Variants in YWHAZ observed in about 807,000 individuals in gnomAD.
The protein encoded by YWHAZ is 14-3-3 protein zeta/delta.
For synonymous variants in YWHAZ, 87 were observed against 103.6 expected, an observed-to-expected ratio of 0.84 and a Z score of 0.97; for missense variants, 79 against 284.8, an observed-to-expected ratio of 0.28 and a Z score of 5.20.
chr8:100,924,783 A>C lies in YWHAZ; in HGVS notation c.418+133T>G. 1 of 1,141,666 alleles carries C rather than the reference A, an allele frequency of 8.8e-7. No homozygotes were observed. Among genetic ancestry groups the C allele is most frequent in the African/African-American group, 1.6e-5 (1 of 64,298 alleles). The allele number at this position is 1,141,666 out of a possible 1,614,324, so 70.7% of individuals were successfully genotyped here. ...TGAGGCAGTAGATGTGTATTCTCAG[A>C]ACACAAAGAGCACTGCTACTCCTTA... On this transcript the variant is annotated intron_variant, in intron 3 of 5. Coordinates refer to ENST00000395958, the MANE Select transcript of YWHAZ (RefSeq NM_145690.3). This position sits in a 1 kb window ranked among gnomAD's most constrained non-coding sequence, Gnocchi z 5.7.
intron 2 of YWHAZ, among the ~76,000 whole-genome samples, chr8:100,937,001 A>C (rs1386164219): frequency 6.6e-6 from 1 of 152,210 alleles, no homozygotes; most frequent in African/African-American, 2.4e-5. Context: ...GGAATTCTGG[A>C]GCAGAAACAG....
At position 100,920,449 on chromosome 8, in the gene YWHAZ, T is replaced by A; in HGVS notation, c.*244A>T. ...TACTATGCCAAACACTTATAACTTG[T>A]ATAAAAATTCCACATCCCCATATTG... On this transcript the variant is annotated 3_prime_UTR_variant, in exon 6 of 6. Coordinates refer to ENST00000395958, the MANE Select transcript of YWHAZ (RefSeq NM_145690.3). The A allele has an allele frequency of 1.9e-6, 1 of 532,656 alleles. No homozygotes were observed. The highest frequency in any genetic ancestry group is 3.3e-6 in the Non-Finnish European group (1 of 301,442). 33.0% of individuals were successfully genotyped at this position (532,656 alleles called of 1,614,324 possible).
At chr8:100,931,366 T>C (rs1291178131) in intron 2 of YWHAZ, among the ~76,000 whole-genome samples, 1 of 152,222 alleles carries the variant, frequency 6.6e-6, no homozygotes, top group Middle Eastern at 3.2e-3. Context: ...CAAATATTCC[T>C]AATGAAAAGT....
chr8:100,926,339 C>T (rs375279259), intron 2 of YWHAZ, among the ~76,000 whole-genome samples: 10 of 152,004 alleles, frequency 6.6e-5, no homozygotes, highest in African/African-American at 1.9e-4. Flanking sequence ...AATTATTAAC[C>T]GATATTTAAA....
intron 1 of YWHAZ, chr8:100,950,695 C>A (rs1187768930): frequency 1.3e-6 from 1 of 745,886 alleles, no homozygotes; most frequent in Non-Finnish European, 1.6e-6. Flanking sequence ...GCCGCCCGAC[C>A]CCGGGGCAGA....
chr8:100,934,392 A>C (rs1813987271), intron 2 of YWHAZ, among the ~76,000 whole-genome samples: 1 of 150,982 alleles, frequency 6.6e-6, no homozygotes, highest in African/African-American at 2.4e-5. Flanking sequence ...ATAGAATACT[A>C]TACAGACATT....
chr8:100,948,978 G>T lies in YWHAZ; in HGVS notation c.-11-78C>A. On this transcript the variant is annotated intron_variant, in intron 1 of 5. Coordinates refer to ENST00000395958, the MANE Select transcript of YWHAZ (RefSeq NM_145690.3). This position sits in a 1 kb window ranked among gnomAD's most constrained non-coding sequence, Gnocchi z 4.2. Reference sequence around the variant, plus strand: ...ACTCAAAATTATACCTGTGGTAAATGAGTTTTTTAAACCTGAAACCTAACT... The same window carrying T: ...ACTCAAAATTATACCTGTGGTAAATTAGTTTTTTAAACCTGAAACCTAACT... 6.8e-7 allele frequency: 1 copy of T among 1,475,642 alleles called. No homozygotes were observed. The highest frequency in any genetic ancestry group is 1.4e-5 in the South Asian group (1 of 73,112). The allele number at this position is 1,475,642 out of a possible 1,614,324, so 91.4% of individuals were successfully genotyped here. A position where few individuals can be genotyped will look rare whatever the true frequency, so the allele number is the denominator to read the frequency against.
At chr8:100,939,261 G>C (rs932308468) in intron 2 of YWHAZ, among the ~76,000 whole-genome samples, 1 of 152,030 alleles carries the variant, frequency 6.6e-6, no homozygotes, top group African/African-American at 2.4e-5. Flanking sequence ...GAAAGGGCTA[G>C]CAGGAAGTGA....
Position 100,948,063 on chromosome 8 carries a change from T to A in YWHAZ, c.294+533A>T. 1.3e-6 allele frequency: 2 copies of A among 1,524,978 alleles called. No individual in the cohort carries two copies. Among genetic ancestry groups the A allele is most frequent in the Non-Finnish European group, 1.8e-6 (2 of 1,139,604 alleles). 94.5% of individuals were successfully genotyped at this position (1,524,978 alleles called of 1,614,324 possible). On this transcript the variant is annotated intron_variant, in intron 2 of 5. Coordinates refer to ENST00000395958, the MANE Select transcript of YWHAZ (RefSeq NM_145690.3). The surrounding 1 kb of genome is among the most constrained non-coding windows in gnomAD (Gnocchi z 4.2). ...CATAACCTTTCATCATGGTTGTGAG[T>A]GTTCAAAATTTACCTTCAAGAATTC...
intron 2 of YWHAZ, among the ~76,000 whole-genome samples, chr8:100,929,984 A>C (rs1021228924): frequency 2.0e-5 from 3 of 152,236 alleles, no homozygotes; most frequent in African/African-American, 7.2e-5. Context: ...TAAACCTCCT[A>C]AATTTCGTTC....
At chr8:100,937,336 C>G (rs1814222028) in intron 2 of YWHAZ, among the ~76,000 whole-genome samples, 1 of 149,450 alleles carries the variant, frequency 6.7e-6, no homozygotes, top group African/African-American at 2.5e-5. Flanking sequence ...TTGTATTTAA[C>G]ACAGAAATGG....
At position 100,938,057 on chromosome 8, in the gene YWHAZ, G is replaced by A. The variant is rs1814288837; in HGVS notation, c.294+10539C>T. 1.3e-5 allele frequency among the ~76,000 whole-genome samples: 2 copies of A among 152,148 alleles called. 1 individual carries two copies. Among genetic ancestry groups the A allele is most frequent in the South Asian group, 4.1e-4 (2 of 4,828 alleles). ...AGGCGGGAGAATCACTTGAACCCGG[G>A]AGGCAGAGGTTGCGGTGAGCCAAGA... On this transcript the variant is annotated intron_variant, in intron 2 of 5. Transcript: ENST00000395958.
intron 2 of YWHAZ, among the ~76,000 whole-genome samples, chr8:100,941,327 A>G (rs576256201): frequency 3.3e-5 from 5 of 152,236 alleles, no homozygotes; most frequent in East Asian, 1.9e-4. Flanking sequence ...CTGAGTGTTC[A>G]TAAGTCTTGG....
chr8:100,919,393 C>T lies in YWHAZ; in HGVS notation c.*1300G>A, dbSNP rs542590378. ...TTGTGGCTTCCTAAGTTAGAAAATG[C>T]CATATGCCAAAATTTTAAATGGAAC... On this transcript the variant is annotated 3_prime_UTR_variant, in exon 6 of 6. Transcript: ENST00000395958. 3 of 152,530 alleles carry T rather than the reference C, an allele frequency of 2.0e-5. No homozygotes were observed. The highest frequency in any genetic ancestry group is 6.6e-5 in the Admixed American group (1 of 15,260). The allele number at this position is 152,530 out of a possible 1,614,324, so 9.4% of individuals were successfully genotyped here. A position where few individuals can be genotyped will look rare whatever the true frequency, so the allele number is the denominator to read the frequency against.
At chr8:100,931,061 G>T (rs1250876002) in intron 2 of YWHAZ, among the ~76,000 whole-genome samples, 1 of 145,358 alleles carries the variant, frequency 6.9e-6, no homozygotes, top group Non-Finnish European at 1.5e-5. Context: ...AGATTTTAGA[G>T]ATAAAAGAGA....
At chr8:100,932,603 T>C (rs1247509756) in intron 2 of YWHAZ, among the ~76,000 whole-genome samples, 1 of 152,232 alleles carries the variant, frequency 6.6e-6, no homozygotes, top group Non-Finnish European at 1.5e-5. Flanking sequence ...CTGTCAAAAA[T>C]ATCATTTTCC....
intron 1 of YWHAZ, 141 bp downstream of exon 1, chr8:100,951,788 C>A: frequency 2.0e-6 from 2 of 985,390 alleles, no homozygotes; most frequent in Non-Finnish European, 2.4e-6. Context: ...CGCCCGTGTC[C>A]GCTGAGGAGA....
rs944913172 is a variant in YWHAZ, at chr8:100,947,989, GA to G, written c.294+606del. 4 of 974,334 alleles carry G rather than the reference GA, an allele frequency of 4.1e-6. No individual in the cohort carries two copies. The African/African-American group carries it at 6.5e-5, about 16-fold the overall frequency. 60.4% of individuals were successfully genotyped at this position (974,334 alleles called of 1,614,324 possible). On this transcript the variant is annotated intron_variant, in intron 2 of 5. Transcript: ENST00000395958. ...GCAGTGCTTCAACACAGTAAGTACT[GA>G]ATACTTAAAATACTCGATTCAAACT...
At chr8:100,951,268 G>A (rs1810747951) in intron 1 of YWHAZ, 8 of 984,784 alleles carry the variant, frequency 8.1e-6, no homozygotes, top group African/African-American at 3.5e-5. Flanking sequence ...CCTGGGCTCC[G>A]GCCCGCTCTC....
Sources: gnomAD v4.1 joint callset for allele counts (sites outside exome capture counted in the v4.1 genomes callset) on GRCh38, gnomAD v4.1.1 for gene constraint, Gnocchi (gnomAD v3.1) non-coding constraint, MANE v1.5 for transcripts, NCBI Gene and HGNC (gene_info 2026-07-23, HGNC 2026-07-21) for gene names.